PPFIA2: variants seen among roughly 807,000 people sequenced by gnomAD.
PPFIA2 encodes liprin-alpha-2.
In PPFIA2, 46 loss-of-function variants were observed where a neutral mutation model predicts 175.5. The ratio of observed to expected loss-of-function variants is 0.26; its 90% CI spans 0.21 to 0.34. PPFIA2 has a LOEUF of 0.34. Among genes scored for constraint, PPFIA2 ranks in the 10% least tolerant of loss-of-function variants. The pLI is 1.00. For synonymous variants in PPFIA2, 568 were observed against 511.4 expected (o/e 1.11, Z -1.49); for missense variants, 1,179 against 1,506.1 (o/e 0.78, Z 3.60).
At chr12:81,322,258 G>C (rs954203028) in intron 22 of PPFIA2, among the ~76,000 whole-genome samples, 9 of 152,226 alleles carry the variant, frequency 5.9e-5, no homozygotes, top group African/African-American at 1.9e-4. Context: ...AAAAGAAAAA[G>C]AGTGAAATTT....
At chr12:81,534,431 A>G (rs565736282) in intron 4 of PPFIA2, among the ~76,000 whole-genome samples, 22 of 151,838 alleles carry the variant, frequency 1.4e-4, no homozygotes, top group South Asian at 1.0e-3. Flanking sequence ...TGCATGTAAC[A>G]AAATATCACA....
intron 4 of PPFIA2, among the ~76,000 whole-genome samples, chr12:81,519,861 C>T (rs554245492): frequency 1.3e-5 from 2 of 152,166 alleles, no homozygotes; most frequent in South Asian, 2.1e-4. Context: ...ACAGGTAGTA[C>T]CAAATTTTAT....
In PPFIA2 at chr12:81,747,050, G is replaced by A. The variant is rs2083156582; in HGVS notation, c.249+6923C>T. On this transcript the variant is annotated intron_variant, in intron 3 of 32. Coordinates refer to ENST00000549396, the MANE Select transcript of PPFIA2 (RefSeq NM_003625.5). Reference sequence around the variant, plus strand: ...TACTTTATTTTAGGAAAACAATGATGATAGAAGCCTGATTGCAAGGGTTAA... The same window carrying A: ...TACTTTATTTTAGGAAAACAATGATAATAGAAGCCTGATTGCAAGGGTTAA... 2.1e-5 allele frequency among the ~76,000 whole-genome samples: 3 copies of A among 143,558 alleles called. No individual in the cohort carries two copies. The South Asian group carries it at 6.9e-4, about 33-fold the overall frequency. 94.2% of individuals were successfully genotyped at this position (143,558 alleles called of 152,430 possible). A position where few individuals can be genotyped will look rare whatever the true frequency, so the allele number is the denominator to read the frequency against.
At chr12:81,372,331 C>T (rs940140259) in intron 11 of PPFIA2, among the ~76,000 whole-genome samples, 13 of 151,034 alleles carry the variant, frequency 8.6e-5, no homozygotes, top group East Asian at 2.0e-4. Flanking sequence ...AGTAGAAAAA[C>T]GTATATTGGT....
chr12:81,556,660 A>G (rs2068920197), intron 4 of PPFIA2, among the ~76,000 whole-genome samples: 1 of 151,682 alleles, frequency 6.6e-6, no homozygotes, highest in Non-Finnish European at 1.5e-5. Context: ...CAATATATCT[A>G]CCCCCTACAT....
At chr12:81,406,606 G>C (rs1163827015) in intron 7 of PPFIA2, among the ~76,000 whole-genome samples, 2 of 151,882 alleles carry the variant, frequency 1.3e-5, no homozygotes, top group Non-Finnish European at 2.9e-5. Context: ...AGTGATCCTA[G>C]TAATAGAGTG....
In PPFIA2 at chr12:81,362,758, C is replaced by G; in HGVS notation, c.1572G>C (p.Lys524Asn). The G allele has an allele frequency of 6.5e-7, 1 of 1,546,010 alleles. No homozygotes were observed. Among genetic ancestry groups the G allele is most frequent in the Non-Finnish European group, 8.7e-7 (1 of 1,142,910 alleles). ...DKERLAEEIE[K>N]LRSELDQLKM... ...TCAATTGGTCAAGTTCAGATCTCAG[C>G]TTTTCAATTTCTTCTGCTAATCTTT... The change falls in exon 15 of 33, where the codon AAG becomes AAC. Residue 524 changes from lysine (K) to asparagine (N), a missense_variant. Physicochemically the swap from Lys to Asn is moderately conservative, Grantham distance 94. Coordinates refer to ENST00000549396, the MANE Select transcript of PPFIA2 (RefSeq NM_003625.5).
chr12:81,586,243 A>G (rs1229140975), intron 4 of PPFIA2, among the ~76,000 whole-genome samples: 2 of 151,970 alleles, frequency 1.3e-5, no homozygotes, highest in Non-Finnish European at 2.9e-5. Context: ...TTACGATACA[A>G]TAATTAGGTT....
At chr12:81,615,265 T>C (rs2153473957) in intron 4 of PPFIA2, among the ~76,000 whole-genome samples, 2 of 151,758 alleles carry the variant, frequency 1.3e-5, no homozygotes, top group South Asian at 4.2e-4. Flanking sequence ...GCTGCAGGAG[T>C]AGTAGGTTTA....
At chr12:81,437,282 T>C (rs1033467913) in intron 7 of PPFIA2, among the ~76,000 whole-genome samples, 2 of 152,094 alleles carry the variant, frequency 1.3e-5, no homozygotes, top group African/African-American at 4.8e-5. Context: ...TAGGCTGGAG[T>C]GCAGTGGCGC....
At chr12:81,424,514 C>A (rs2046815370) in intron 7 of PPFIA2, among the ~76,000 whole-genome samples, 1 of 152,066 alleles carries the variant, frequency 6.6e-6, no homozygotes, top group Non-Finnish European at 1.5e-5. Flanking sequence ...TTATTAAGTT[C>A]ATTAATAAAT....
intron 8 of PPFIA2, 51 bp downstream of exon 8, chr12:81,405,736 T>A: frequency 2.0e-6 from 2 of 1,021,134 alleles, no homozygotes; most frequent in Non-Finnish European, 1.4e-6. Flanking sequence ...TCCTGTCAAA[T>A]GATATAAGAA....
chr12:81,367,882 A>G (rs1279105758), intron 13 of PPFIA2, among the ~76,000 whole-genome samples: 1 of 151,706 alleles, frequency 6.6e-6, no homozygotes, highest in Non-Finnish European at 1.5e-5. Flanking sequence ...TTAAACTAAG[A>G]GTGTAGTAAT....
At chr12:81,333,069 C>A (rs1457893979) in intron 21 of PPFIA2, among the ~76,000 whole-genome samples, 1 of 152,072 alleles carries the variant, frequency 6.6e-6, no homozygotes, top group East Asian at 1.9e-4. Flanking sequence ...TAAAGATCAT[C>A]CAGTCCAATC....
chr12:81,680,105 G>C (rs1278617056), intron 3 of PPFIA2, among the ~76,000 whole-genome samples: 1 of 151,828 alleles, frequency 6.6e-6, no homozygotes, highest in East Asian at 1.9e-4. Flanking sequence ...TTCCTAGAAA[G>C]TTTTTTGACT....
intron 4 of PPFIA2, among the ~76,000 whole-genome samples, chr12:81,486,272 C>T (rs1426660497): frequency 6.6e-6 from 1 of 151,670 alleles, no homozygotes; most frequent in Non-Finnish European, 1.5e-5. Flanking sequence ...CCTTACATGC[C>T]TTACTGTCTT....
intron 4 of PPFIA2, among the ~76,000 whole-genome samples, chr12:81,499,471 T>C (rs868672989): frequency 6.6e-6 from 1 of 152,150 alleles, no homozygotes; most frequent in African/African-American, 2.4e-5. Flanking sequence ...CATGGAGGTA[T>C]AGGATCAGCT....
chr12:81,642,633 C>CTATTATATACATACATGATGTATA lies in PPFIA2; in HGVS notation c.303+34157_303+34158insTATACATCATGTATGTATATAATA, dbSNP rs2065138111. 9.9e-5 allele frequency among the ~76,000 whole-genome samples: 2 copies of CTATTATATACATACATGATGTATA among 20,228 alleles called. 1 individual carries two copies. The highest frequency in any genetic ancestry group is 2.0e-4 in the Non-Finnish European group (2 of 10,144). 13.3% of individuals were successfully genotyped at this position (20,228 alleles called of 152,430 possible). A position where few individuals can be genotyped will look rare whatever the true frequency, so the allele number is the denominator to read the frequency against. On this transcript the variant is annotated intron_variant, in intron 4 of 32. Coordinates refer to ENST00000549396, the MANE Select transcript of PPFIA2 (RefSeq NM_003625.5). The stretch of plus-strand genomic sequence containing the variant: ...CACACACATAATAGATACTATATAT[C>CTATTATATACATACATGATGTATA]TATTATATACATACATGTATGTATC...
At chr12:81,532,299 G>T (rs2064687319) in intron 4 of PPFIA2, among the ~76,000 whole-genome samples, 1 of 151,686 alleles carries the variant, frequency 6.6e-6, no homozygotes, top group Admixed American at 6.6e-5. Flanking sequence ...AAGTCTATTT[G>T]TAGAAATAGG....
Sources: gnomAD v4.1 joint callset for allele counts (sites outside exome capture counted in the v4.1 genomes callset) on GRCh38, gnomAD v4.1.1 for gene constraint, MANE v1.5 for transcripts, NCBI Gene and HGNC (gene_info 2026-07-23, HGNC 2026-07-21) for gene names.